The following RNF180 variants were observed in gnomAD, a reference collection of about 807,000 sequenced individuals.
RNF180 encodes the protein E3 ubiquitin-protein ligase RNF180.
Under a neutral mutation model 59.2 loss-of-function variants are expected in RNF180, and 38 were observed. That is an observed-to-expected ratio of 0.64 (90% CI 0.50 to 0.84). The LOEUF (loss-of-function observed/expected upper bound fraction) is 0.84, where lower values mean the gene tolerates loss of function less well. RNF180 is among the 40% of genes least tolerant of loss of function. The pLI is 0.00. For synonymous variants in RNF180, 262 were observed against 240.3 expected (o/e 1.09, Z -0.84); for missense variants, 705 against 700.9 (o/e 1.01, Z -0.07).
chr5:64,322,868 A>C (rs1186453544), intron 5 of RNF180, among the ~76,000 whole-genome samples: 1 of 152,092 alleles, frequency 6.6e-6, no homozygotes, highest in Non-Finnish European at 1.5e-5. Context: ...GAGGGATAAA[A>C]CTGGGTTCAG....
rs73103185 is a variant in RNF180, at chr5:64,306,209, T to C, written c.1228-18977T>C. 4.9e-3 allele frequency among the ~76,000 whole-genome samples: 750 copies of C among 151,856 alleles called. 10 individuals are homozygous for C. Among genetic ancestry groups the C allele is most frequent in the African/African-American group, 0.017 (703 of 41,496 alleles). On this transcript the variant is annotated intron_variant, in intron 5 of 7. Coordinates refer to ENST00000389100, the MANE Select transcript of RNF180 (RefSeq NM_001113561.2). ...TGCATAAGAATTGTTTTCTGTGAGA[T>C]TGTTTATTCACAAAATAATAATATG...
At chr5:64,240,698 A>T (rs574006931) in intron 5 of RNF180, among the ~76,000 whole-genome samples, 1 of 152,174 alleles carries the variant, frequency 6.6e-6, no homozygotes. Context: ...TCTTCTCACC[A>T]TCTTCCTAGC....
intron 1 of RNF180, among the ~76,000 whole-genome samples, chr5:64,187,231 TAAG>T (rs1750914904): frequency 6.6e-6 from 1 of 152,136 alleles, no homozygotes; most frequent in Non-Finnish European, 1.5e-5. Flanking sequence ...GTATGTGACT[TAAG>T]AACCTATGGG....
At chr5:64,187,043 A>C (rs1750906518) in intron 1 of RNF180, among the ~76,000 whole-genome samples, 1 of 152,170 alleles carries the variant, frequency 6.6e-6, no homozygotes, top group African/African-American at 2.4e-5. Flanking sequence ...AAATGGACAA[A>C]ACTAATCAGA....
chr5:64,358,362 A>C (rs752506540), intron 7 of RNF180, among the ~76,000 whole-genome samples: 1 of 151,900 alleles, frequency 6.6e-6, no homozygotes, highest in Non-Finnish European at 1.5e-5. Context: ...TCCAGGGGAC[A>C]GGGAAGCACA....
chr5:64,207,970 T>C (rs1221328314), intron 2 of RNF180, among the ~76,000 whole-genome samples: 1 of 152,106 alleles, frequency 6.6e-6, no homozygotes, highest in Non-Finnish European at 1.5e-5. Context: ...TGCAAAGGGT[T>C]AAACATCTTC....
intron 5 of RNF180, among the ~76,000 whole-genome samples, chr5:64,267,297 A>C (rs1452496692): frequency 6.6e-6 from 1 of 152,128 alleles, no homozygotes; most frequent in African/African-American, 2.4e-5. Context: ...CAGGCTTAAG[A>C]AAGTAATTAC....
intron 5 of RNF180, among the ~76,000 whole-genome samples, chr5:64,257,229 C>G (rs1384285825): frequency 6.6e-6 from 1 of 152,198 alleles, no homozygotes; most frequent in African/African-American, 2.4e-5. Context: ...GCCAGAACTT[C>G]CAACACTACG....
chr5:64,282,777 T>G (rs1396343100), intron 5 of RNF180, among the ~76,000 whole-genome samples: 1 of 152,230 alleles, frequency 6.6e-6, no homozygotes, highest in African/African-American at 2.4e-5. Context: ...TCTGCCTTAT[T>G]CAGAAGCAGG....
intron 5 of RNF180, among the ~76,000 whole-genome samples, chr5:64,322,922 A>G (rs939464282): frequency 6.6e-6 from 1 of 152,118 alleles, no homozygotes; most frequent in African/African-American, 2.4e-5. Flanking sequence ...CTCACACATC[A>G]CTACTAAACA....
chr5:64,221,881 A>G (rs1219163375), intron 5 of RNF180, among the ~76,000 whole-genome samples: 1 of 152,210 alleles, frequency 6.6e-6, no homozygotes, highest in Non-Finnish European at 1.5e-5. Context: ...GATTGTTCAT[A>G]TCTTACATTA....
chr5:64,279,541 A>T (rs945935359), intron 5 of RNF180, among the ~76,000 whole-genome samples: 10 of 152,210 alleles, frequency 6.6e-5, no homozygotes, highest in East Asian at 1.9e-4. Context: ...ATCTTATTTT[A>T]AAAAAGTATT....
At chr5:64,358,700 T>A (rs577580723) in intron 7 of RNF180, among the ~76,000 whole-genome samples, 1 of 151,690 alleles carries the variant, frequency 6.6e-6, no homozygotes, top group Non-Finnish European at 1.5e-5. Flanking sequence ...TGCAGGTTAG[T>A]TACATATGTA....
intron 5 of RNF180, among the ~76,000 whole-genome samples, chr5:64,253,381 A>G (rs1743708150): frequency 1.3e-5 from 2 of 152,152 alleles, no homozygotes; most frequent in African/African-American, 2.4e-5. Flanking sequence ...TCATTTAACC[A>G]TCACAACTAG....
intron 5 of RNF180, among the ~76,000 whole-genome samples, chr5:64,296,165 G>A (rs1181667807): frequency 6.6e-6 from 1 of 152,144 alleles, no homozygotes; most frequent in African/African-American, 2.4e-5. Flanking sequence ...GAGAGGATCT[G>A]GAGGGCACTT....
chr5:64,214,796 A>G (rs1176046302), intron 4 of RNF180, among the ~76,000 whole-genome samples: 1 of 152,012 alleles, frequency 6.6e-6, no homozygotes, highest in Non-Finnish European at 1.5e-5. Flanking sequence ...TTAACACTGG[A>G]TTGTTTTTTA....
At chr5:64,187,830 A>C (rs1209888399) in intron 1 of RNF180, among the ~76,000 whole-genome samples, 4 of 152,168 alleles carry the variant, frequency 2.6e-5, no homozygotes, top group Admixed American at 2.6e-4. Context: ...AAGCTGTTTT[A>C]ATTTTTACTT....
intron 3 of RNF180, among the ~76,000 whole-genome samples, chr5:64,212,863 A>T (rs1387191891): frequency 1.3e-5 from 2 of 152,226 alleles, no homozygotes; most frequent in African/African-American, 2.4e-5. Flanking sequence ...ATTATTTGTT[A>T]AAAAATAACA....
At chr5:64,338,882 T>C (rs1414562484) in intron 7 of RNF180, among the ~76,000 whole-genome samples, 1 of 152,160 alleles carries the variant, frequency 6.6e-6, no homozygotes, top group Non-Finnish European at 1.5e-5. Context: ...AGATTGTAAT[T>C]GATGTTCTAA....
Sources: allele counts gnomAD v4.1 joint callset (sites outside exome capture counted in the v4.1 genomes callset), GRCh38; gene constraint gnomAD v4.1.1; transcripts MANE v1.5; gene names NCBI Gene and HGNC (gene_info 2026-07-23, HGNC 2026-07-21).